Variants in STAB2 observed in about 807,000 individuals in gnomAD.
STAB2 encodes the protein stabilin 2.
In STAB2, 288 loss-of-function variants were observed where a neutral mutation model predicts 338.1. The ratio of observed to expected loss-of-function variants is 0.85; its 90% CI spans 0.77 to 0.94. The LOEUF (loss-of-function observed/expected upper bound fraction) is 0.94. Ranked by LOEUF, STAB2 falls within the 40% of genes least tolerant of loss-of-function variation. The pLI is 0.00. For synonymous variants in STAB2, 1,202 were observed against 1,193.3 expected, an observed-to-expected ratio of 1.01 and a Z score of -0.15; for missense variants, 3,141 against 3,210.1, an observed-to-expected ratio of 0.98 and a Z score of 0.52.
At chr12:103,695,973 T>A in intron 33 of STAB2, 129 bp downstream of exon 33, 1 of 854,506 alleles carries the variant, frequency 1.2e-6, no homozygotes, top group Non-Finnish European at 1.9e-6. Flanking sequence ...TGACGTAGAC[T>A]GGTGCAGAGA....
At chr12:103,628,177 A>C (rs1405320385) in intron 5 of STAB2, among the ~76,000 whole-genome samples, 1 of 152,230 alleles carries the variant, frequency 6.6e-6, no homozygotes, top group Non-Finnish European at 1.5e-5. Context: ...AGAGAGGATG[A>C]CACTGCAAAT....
rs200642183 is a variant in STAB2 at position 103,730,075 on chromosome 12, C to T, written c.5083-41C>T. ...GTGAGAAGCAATTTTGTGTCTATTT[C>T]ACTTTGCACTCATTTCTTTTTTGTT... On this transcript the variant is annotated intron_variant, in intron 48 of 68. Transcript: ENST00000388887. The T allele has an allele frequency of 2.8e-4, 421 of 1,526,804 alleles. 1 individual carries two copies. Among genetic ancestry groups the T allele is most frequent in the South Asian group, 1.2e-3 (89 of 75,434 alleles). 94.6% of individuals were successfully genotyped at this position (1,526,804 alleles called of 1,614,324 possible). A position where few individuals can be genotyped will look rare whatever the true frequency, so the allele number is the denominator to read the frequency against.
intron 59 of STAB2, 38 bp from the exon 60 acceptor site, chr12:103,750,540 GA>G: frequency 6.2e-7 from 1 of 1,609,180 alleles, no homozygotes. Context: ...GGGTCCTAGA[GA>G]AGGAACTTTT....
chr12:103,700,935 C>T (rs918984455), intron 34 of STAB2, among the ~76,000 whole-genome samples: 2 of 150,428 alleles, frequency 1.3e-5, no homozygotes, highest in Non-Finnish European at 3.0e-5. Context: ...CATGCTGGTG[C>T]GCTGCACCCA....
chr12:103,677,752 C>A, intron 25 of STAB2, 141 bp downstream of exon 25: 3 of 955,668 alleles, frequency 3.1e-6, no homozygotes, highest in Non-Finnish European at 4.4e-6. Context: ...GGGTTCATTG[C>A]CACAACAAAC....
intron 65 of STAB2, among the ~76,000 whole-genome samples, chr12:103,759,703 T>C (rs1235309907): frequency 6.6e-6 from 1 of 152,140 alleles, no homozygotes; most frequent in Non-Finnish European, 1.5e-5. Flanking sequence ...ATGGTGATGG[T>C]GGTGATGATG....
chr12:103,747,875 A>G (rs1189482156), intron 58 of STAB2, among the ~76,000 whole-genome samples: 1 of 151,862 alleles, frequency 6.6e-6, no homozygotes, highest in Non-Finnish European at 1.5e-5. Context: ...GGTGCCTGTA[A>G]TCCCAGCTAC....
intron 45 of STAB2, 102 bp downstream of exon 45, chr12:103,725,196 G>A (rs1291089004): frequency 8.0e-6 from 12 of 1,497,224 alleles, no homozygotes; most frequent in South Asian, 4.0e-5. Context: ...AATGTAAAGC[G>A]CTATAAAAAT....
intron 56 of STAB2, 30 bp from the exon 57 acceptor site, chr12:103,745,143 A>G (rs1882920391): frequency 6.3e-7 from 1 of 1,595,826 alleles, no homozygotes; most frequent in Non-Finnish European, 8.5e-7. Flanking sequence ...TCAACCCCTG[A>G]TGACTGACCA....
At chr12:103,725,913 G>A (rs868010720) in intron 45 of STAB2, among the ~76,000 whole-genome samples, 26 of 152,198 alleles carry the variant, frequency 1.7e-4, no homozygotes, top group South Asian at 6.2e-4. Flanking sequence ...ATCAGATGGC[G>A]ATTCCAGAAA....
intron 7 of STAB2, 65 bp from the exon 8 acceptor site, chr12:103,637,951 C>T (rs539218023): frequency 2.0e-5 from 31 of 1,517,460 alleles, no homozygotes; most frequent in Non-Finnish European, 2.4e-5. Context: ...CTGTTGCTCA[C>T]GGTTCAGTTT....
intron 44 of STAB2, among the ~76,000 whole-genome samples, chr12:103,724,671 T>A (rs539170065): frequency 4.6e-5 from 7 of 152,074 alleles, no homozygotes; most frequent in Non-Finnish European, 7.3e-5. Context: ...ACAGGTGGGG[T>A]CTTCCTAGTT....
chr12:103,638,018 A>G lies in STAB2; in HGVS notation c.712A>G (p.Ile238Val), dbSNP rs777728338. The G allele has an allele frequency of 2.4e-5, 38 of 1,609,158 alleles. No individual in the cohort carries two copies. Among genetic ancestry groups the G allele is most frequent in the Non-Finnish European group, 3.1e-5 (36 of 1,176,176 alleles). Residue 238 changes from isoleucine to valine, a missense_variant and splice_region_variant, in exon 8 of 69, where the codon ATC (isoleucine) becomes GTC (valine). Ile to Val is a conservative substitution (Grantham distance 29). Coordinates refer to ENST00000388887, the MANE Select transcript of STAB2 (RefSeq NM_017564.10). ...TCATTTTGCTGTTGCCTCTCAAGCC[A>G]TCAATCCATGTTTACGAAAAATCTG... ...YRGDGKYCDP[I>V]NPCLRKICHP...
At chr12:103,625,023 T>C (rs1314131881) in intron 5 of STAB2, among the ~76,000 whole-genome samples, 1 of 151,656 alleles carries the variant, frequency 6.6e-6, no homozygotes, top group African/African-American at 2.4e-5. Context: ...GCAACTAAAA[T>C]GTAATCAGTC....
At chr12:103,699,646 G>C (rs1878695835) in intron 34 of STAB2, among the ~76,000 whole-genome samples, 1 of 152,134 alleles carries the variant, frequency 6.6e-6, no homozygotes, top group African/African-American at 2.4e-5. Flanking sequence ...ATGAGATTTG[G>C]GTGTGGGCAC....
chr12:103,665,475 AG>A (rs1179573944), intron 18 of STAB2, among the ~76,000 whole-genome samples: 6 of 152,200 alleles, frequency 3.9e-5, no homozygotes, highest in Non-Finnish European at 5.9e-5. Context: ...AGGGAGAAGC[AG>A]GAAACCACTG....
At chr12:103,686,210 G>T (rs913573714) in intron 27 of STAB2, among the ~76,000 whole-genome samples, 1 of 152,022 alleles carries the variant, frequency 6.6e-6, no homozygotes, top group Non-Finnish European at 1.5e-5. Context: ...CAATTCCCAG[G>T]ACCCGCAGCC....
rs1881769309 is a variant in STAB2 at position 103,733,088 on chromosome 12, C to T, written c.5366C>T (p.Ala1789Val). The change falls in exon 51 of 69, where the codon GCC (alanine) becomes GTC (valine). Residue 1789 changes from alanine to valine, a missense_variant. Transcript: ENST00000388887. ...TGGCCCACCGACCAAGCCCTCCATG[C>T]CCTACCTGCTGAACAACAGGACTTC... ...LFWPTDQALH[A>V]LPAEQQDFLF... 1.9e-6 allele frequency: 3 copies of T among 1,614,030 alleles called. No individual in the cohort carries two copies. Among genetic ancestry groups the T allele is most frequent in the Admixed American group, 1.7e-5 (1 of 59,996 alleles).
At chr12:103,680,766 G>A (rs1004275612) in intron 25 of STAB2, among the ~76,000 whole-genome samples, 20 of 152,268 alleles carry the variant, frequency 1.3e-4, no homozygotes, top group African/African-American at 4.8e-4. Context: ...ATGTGGACTA[G>A]GAGAGGGGGA....
Sources: allele counts gnomAD v4.1 joint callset (sites outside exome capture counted in the v4.1 genomes callset), GRCh38; gene constraint gnomAD v4.1.1; transcripts MANE v1.5; gene names NCBI Gene and HGNC (gene_info 2026-07-23, HGNC 2026-07-21).